Variants in ZMYND8 observed in about 807,000 individuals in gnomAD.
ZMYND8 encodes zinc finger MYND-type containing 8, also known as MYND-type zinc finger-containing chromatin reader ZMYND8.
A neutral mutation model predicts 140.8 loss-of-function variants in ZMYND8; 37 were observed. The ratio of observed to expected loss-of-function variants is 0.26; its 90% CI spans 0.20 to 0.35. ZMYND8 has a LOEUF of 0.35. Among genes scored for constraint, ZMYND8 ranks in the 10% least tolerant of loss-of-function variants. The probability of loss-of-function intolerance (pLI) is 1.00; values close to 1 mark genes in which losing one functional copy is unlikely to be tolerated. For missense variants in ZMYND8, 1,068 were observed against 1,570.0 expected (o/e 0.68, Z 5.40); for synonymous variants, 592 against 597.1 (o/e 0.99, Z 0.12).
chr20:47,241,670 C>T (rs112065345), intron 14 of ZMYND8, among the ~76,000 whole-genome samples: 129 of 152,160 alleles, frequency 8.5e-4, no homozygotes, highest in African/African-American at 2.9e-3. Flanking sequence ...GCACAGGCCT[C>T]AGCCCCCGGT....
chr20:47,210,678 TCTC>T lies in ZMYND8; in HGVS notation c.*80_*82del. ...CATTTTCAAGTCTGAAAGTGGCTGT[TCTC>T]CTGCCTTTGTTGTTTCTTCTTTTCC... On this transcript the variant is annotated 3_prime_UTR_variant, in exon 23 of 23. Coordinates refer to ENST00000471951, the MANE Select transcript of ZMYND8 (RefSeq NM_001281775.3). 16 of 1,611,432 alleles carry T rather than the reference TCTC, an allele frequency of 9.9e-6. No individual in the cohort carries two copies. The highest frequency in any genetic ancestry group is 1.4e-5 in the Non-Finnish European group (16 of 1,178,108).
intron 3 of ZMYND8, among the ~76,000 whole-genome samples, chr20:47,308,680 T>C (rs1441359824): frequency 6.6e-6 from 1 of 152,184 alleles, no homozygotes; most frequent in Non-Finnish European, 1.5e-5. Flanking sequence ...AGTATCATTA[T>C]CCCCATTTCA....
At chr20:47,283,480 T>C (rs2076735889) in intron 9 of ZMYND8, 91 bp downstream of exon 9, 2 of 1,333,024 alleles carry the variant, frequency 1.5e-6, no homozygotes, top group South Asian at 1.2e-5. Context: ...CAAAGTTTCA[T>C]CTAATAAGCC....
intron 11 of ZMYND8, among the ~76,000 whole-genome samples, chr20:47,275,849 T>C (rs918326444): frequency 1.3e-5 from 2 of 152,136 alleles, no homozygotes; most frequent in African/African-American, 4.8e-5. Context: ...GCTAAAGCAA[T>C]CTGACTGCCT....
At chr20:47,231,164 T>A (rs187063539) in intron 16 of ZMYND8, among the ~76,000 whole-genome samples, 2 of 152,288 alleles carry the variant, frequency 1.3e-5, no homozygotes, top group African/African-American at 4.8e-5. Flanking sequence ...ACCCAGGGAT[T>A]TGCTGACTAT....
chr20:47,278,154 G>T (rs2147816947), intron 10 of ZMYND8, among the ~76,000 whole-genome samples: 1 of 152,168 alleles, frequency 6.6e-6, no homozygotes, highest in South Asian at 2.1e-4. Context: ...TTTAACTTTT[G>T]TATACTTTTG....
At chr20:47,310,786 G>GAAAAA (rs1169707543) in intron 2 of ZMYND8, among the ~76,000 whole-genome samples, 1 of 76,836 alleles carries the variant, frequency 1.3e-5, no homozygotes, top group Admixed American at 1.7e-4. Flanking sequence ...CCTCCGACGT[G>GAAAAA]AAAAAAAAAA....
chr20:47,299,036 A>G, intron 3 of ZMYND8, 89 bp from the exon 4 acceptor site: 1 of 1,220,532 alleles, frequency 8.2e-7, no homozygotes, highest in Non-Finnish European at 1.2e-6. Context: ...TAACAACAAA[A>G]GAAAATAACA....
intron 3 of ZMYND8, among the ~76,000 whole-genome samples, chr20:47,306,317 C>T (rs998679155): frequency 4.6e-5 from 7 of 151,962 alleles, no homozygotes; most frequent in Non-Finnish European, 1.0e-4. Context: ...ATTGCTTGAG[C>T]CGGGGAGGTC....
At chr20:47,345,533 A>G (rs2082265195) in intron 2 of ZMYND8, among the ~76,000 whole-genome samples, 1 of 145,236 alleles carries the variant, frequency 6.9e-6, no homozygotes, top group African/African-American at 2.6e-5. Context: ...TTTAAGACGG[A>G]GTCTCGCTCT....
chr20:47,347,171 A>G (rs1342674753), intron 2 of ZMYND8, among the ~76,000 whole-genome samples: 1 of 152,164 alleles, frequency 6.6e-6, no homozygotes, highest in East Asian at 1.9e-4. Context: ...AGATACGAAA[A>G]ATACTCCAGT....
intron 3 of ZMYND8, among the ~76,000 whole-genome samples, chr20:47,303,642 G>GC (rs1332509824): frequency 1.3e-5 from 2 of 151,840 alleles, no homozygotes; most frequent in African/African-American, 4.8e-5. Flanking sequence ...GTTGCGGTGA[G>GC]CCAAGATCAC....
Position 47,246,227 on chromosome 20 carries a change from G to A in ZMYND8, c.2065C>T (p.Pro689Ser). The A allele has an allele frequency of 6.2e-7, 1 of 1,614,150 alleles. No individual in the cohort carries two copies. The highest frequency in any genetic ancestry group is 8.5e-7 in the Non-Finnish European group (1 of 1,180,040). ...TCGGAAAAGTCCTTCTCAGGCTCAG[G>A]GCTGGCCTTGTCCTTGACTGCTCCA... ...DPGAVKDKASPEPEKDFSEKA... is the reference protein window; with the variant it reads ...DPGAVKDKASSEPEKDFSEKA... The change falls in exon 14 of 23, where the codon CCT becomes TCT. Residue 689 changes from proline (P) to serine (S), a missense_variant. By Grantham distance (74) the Pro-to-Ser change is moderately conservative. Transcript: ENST00000471951.
intron 14 of ZMYND8, among the ~76,000 whole-genome samples, chr20:47,240,188 T>C (rs1601150964): frequency 6.6e-6 from 1 of 151,580 alleles, no homozygotes; most frequent in Non-Finnish European, 1.5e-5. Context: ...CTCCGGTCTG[T>C]GAGAAAGAGT....
chr20:47,275,471 G>T (rs1031589339), intron 11 of ZMYND8, among the ~76,000 whole-genome samples: 3 of 148,806 alleles, frequency 2.0e-5, no homozygotes, highest in Admixed American at 6.7e-5. Flanking sequence ...TCCAGTCTGG[G>T]TGACAGAGCG....
Position 47,267,689 on chromosome 20 carries a change from G to A in ZMYND8, c.1481-5261C>T, listed in dbSNP as rs575679428. Among the ~76,000 whole-genome samples the A allele has an allele frequency of 5.9e-4, 90 of 152,216 alleles. 2 individuals are homozygous for A. In the South Asian group the frequency reaches 1.0e-2, roughly 17 times the overall value. ...CTCCATCACCTAAAAACATCCAGAGGCACCTCATTCCCCAGAATAAAATCC... is the reference window on the plus strand; with the variant it reads ...CTCCATCACCTAAAAACATCCAGAGACACCTCATTCCCCAGAATAAAATCC... On this transcript the variant is annotated intron_variant, in intron 11 of 22. Coordinates refer to ENST00000471951, the MANE Select transcript of ZMYND8 (RefSeq NM_001281775.3).
At chr20:47,291,925 C>A (rs1364787968) in intron 5 of ZMYND8, 37 bp from the exon 6 acceptor site, 5 of 1,558,970 alleles carry the variant, frequency 3.2e-6, no homozygotes, top group East Asian at 2.3e-5. Context: ...ACGAACCCAT[C>A]ATTACTATGG....
At position 47,275,047 on chromosome 20, in the gene ZMYND8, G is replaced by A. The variant is rs571929484; in HGVS notation, c.1480+1267C>T. 8.5e-5 allele frequency among the ~76,000 whole-genome samples: 13 copies of A among 152,286 alleles called. No homozygotes were observed. In the South Asian group the frequency reaches 1.9e-3, roughly 22 times the overall value. ...AGGAAGGAAGCGAGTGTGAAAGGCT[G>A]TCCAAGGCTTTAGGCCAGAAGCCTA... is the stretch of plus-strand genomic sequence containing the variant. On this transcript the variant is annotated intron_variant, in intron 11 of 22. Transcript: ENST00000471951.
At chr20:47,323,233 T>C (rs966164920) in intron 2 of ZMYND8, among the ~76,000 whole-genome samples, 1 of 152,030 alleles carries the variant, frequency 6.6e-6, no homozygotes, top group African/African-American at 2.4e-5. Flanking sequence ...TTCAAACTCA[T>C]TTCCCCCAAC....
Sources: allele counts gnomAD v4.1 joint callset (sites outside exome capture counted in the v4.1 genomes callset), GRCh38; gene constraint gnomAD v4.1.1; transcripts MANE v1.5; gene names NCBI Gene and HGNC (gene_info 2026-07-23, HGNC 2026-07-21).